Variants in ZDHHC21 observed in about 807,000 individuals in gnomAD.
ZDHHC21 encodes palmitoyltransferase ZDHHC21.
ZDHHC21 carries 15 observed loss-of-function variants against 34.6 expected under a neutral mutation model. The ratio of observed to expected loss-of-function variants is 0.43; its 90% CI spans 0.29 to 0.67. ZDHHC21 has a LOEUF of 0.67. ZDHHC21 is among the 30% of genes least tolerant of loss of function. The pLI is 0.14. For synonymous variants in ZDHHC21, 142 were observed against 101.8 expected (o/e 1.40, Z -2.38); for missense variants, 344 against 327.7 (o/e 1.05, Z -0.38).
chr9:14,601,415 T>A, the ZDHHC21 span, among the ~76,000 whole-genome samples: 1 of 151,692 alleles, frequency 6.6e-6, no homozygotes, highest in African/African-American at 2.4e-5. Flanking sequence ...TCACTGGTCA[T>A]TAGAGAAATG....
At chr9:14,662,441 T>C (rs1833585507) in intron 5 of ZDHHC21, 115 bp from the exon 6 acceptor site, 1 of 712,208 alleles carries the variant, frequency 1.4e-6, no homozygotes. Flanking sequence ...TCTAAGAGAT[T>C]TTTCTTCTAA....
Position 14,662,302 on chromosome 9 carries a change from T to C in ZDHHC21, c.278A>G (p.Asn93Ser), listed in dbSNP as rs1466806437. 5 of 1,610,782 alleles carry C rather than the reference T, an allele frequency of 3.1e-6. No homozygotes were observed. The highest frequency in any genetic ancestry group is 1.1e-5 in the South Asian group (1 of 90,384). The change falls in exon 6 of 10, where the codon AAC (asparagine) becomes AGC (serine). Residue 93 changes from asparagine to serine, a missense_variant. Asn to Ser is a conservative substitution (Grantham distance 46). Transcript: ENST00000380916. Reference sequence around the variant, plus strand: ...CTTTGGTCTCATCAAATTACACTTGTTACATAATTCCCAGAACTCCCTTTC... The same window carrying C: ...CTTTGGTCTCATCAAATTACACTTGCTACATAATTCCCAGAACTCCCTTTC... ...HGEREFWELC[N>S]KCNLMRPKRS...
At chr9:14,670,293 C>T (rs1032577499) in intron 5 of ZDHHC21, among the ~76,000 whole-genome samples, 12 of 152,200 alleles carry the variant, frequency 7.9e-5, no homozygotes, top group African/African-American at 2.4e-4. Flanking sequence ...AGAAAGCCTA[C>T]AATTTTGTAA....
intron 4 of ZDHHC21, among the ~76,000 whole-genome samples, chr9:14,673,907 G>C (rs1000302763): frequency 1.3e-5 from 2 of 151,872 alleles, no homozygotes; most frequent in African/African-American, 2.4e-5. Context: ...AAAATACAGA[G>C]AGACATGCAA....
chr9:14,635,470 C>T (rs1013999467), intron 8 of ZDHHC21, among the ~76,000 whole-genome samples: 1 of 152,212 alleles, frequency 6.6e-6, no homozygotes, highest in African/African-American at 2.4e-5. Flanking sequence ...GAATCTGCAT[C>T]AGACTAACAG....
At chr9:14,608,633 A>G (rs1262983068), downstream of ZDHHC21, among the ~76,000 whole-genome samples, 1 of 152,082 alleles carries the variant, frequency 6.6e-6, no homozygotes, top group African/African-American at 2.4e-5. Flanking sequence ...GACTGATACA[A>G]ATATTTTTTT....
chr9:14,598,640 G>T, the ZDHHC21 span, among the ~76,000 whole-genome samples: 2 of 152,140 alleles, frequency 1.3e-5, 1 homozygote, highest in Middle Eastern at 6.8e-3. Context: ...TGGAAAAAAT[G>T]CAGAATGATA....
At chr9:14,638,023 C>A (rs1156990818) in intron 8 of ZDHHC21, among the ~76,000 whole-genome samples, 1 of 151,870 alleles carries the variant, frequency 6.6e-6, no homozygotes, top group Admixed American at 6.6e-5. Context: ...TTAGAGAAAA[C>A]AATCCTAAAA....
intron 8 of ZDHHC21, among the ~76,000 whole-genome samples, chr9:14,632,446 C>T (rs149931736): frequency 8.6e-5 from 13 of 151,892 alleles, no homozygotes; most frequent in African/African-American, 3.1e-4. Flanking sequence ...CAAAAATTAG[C>T]TCAAAATGAA....
chr9:14,682,735 C>A (rs1050717642), intron 2 of ZDHHC21, among the ~76,000 whole-genome samples: 3 of 152,122 alleles, frequency 2.0e-5, no homozygotes, highest in Non-Finnish European at 4.4e-5. Context: ...AGAATATACA[C>A]CCTTCTCAGC....
chr9:14,691,386 G>A (rs1587523844), intron 1 of ZDHHC21, among the ~76,000 whole-genome samples: 2 of 152,152 alleles, frequency 1.3e-5, no homozygotes, highest in Admixed American at 6.5e-5. Flanking sequence ...TTGAGTTACG[G>A]TCTTTTTCAA....
intron 1 of ZDHHC21, among the ~76,000 whole-genome samples, chr9:14,692,777 T>A (rs983583265): frequency 6.6e-6 from 1 of 151,964 alleles, no homozygotes; most frequent in Non-Finnish European, 1.5e-5. Context: ...ACCAGAAGTC[T>A]GGAATGAATG....
At chr9:14,689,658 T>C (rs1430326895) in intron 2 of ZDHHC21, among the ~76,000 whole-genome samples, 1 of 152,214 alleles carries the variant, frequency 6.6e-6, no homozygotes, top group East Asian at 1.9e-4. Context: ...CTAGTAGTAT[T>C]ACTACTAGTA....
Position 14,683,814 on chromosome 9 carries a change from C to T in ZDHHC21, c.-175-3652G>A, listed in dbSNP as rs1837801608. 3 of 152,144 alleles carry T rather than the reference C, an allele frequency of 2.0e-5. No homozygotes were observed. In the South Asian group the frequency reaches 6.2e-4, roughly 32 times the overall value. The allele number at this position is 152,144 out of a possible 1,614,324, so 9.4% of individuals were successfully genotyped here. A position where few individuals can be genotyped will look rare whatever the true frequency, so the allele number is the denominator to read the frequency against. On this transcript the variant is annotated intron_variant, in intron 2 of 9. Transcript: ENST00000380916. Reference sequence around the variant, plus strand: ...GCAAACATCCTCAGTAAAATACTGGCAAACCGAATCCAGCAGCACATCAAA... The same window carrying T: ...GCAAACATCCTCAGTAAAATACTGGTAAACCGAATCCAGCAGCACATCAAA...
At chr9:14,637,492 T>C (rs1564249509) in intron 8 of ZDHHC21, among the ~76,000 whole-genome samples, 1 of 151,998 alleles carries the variant, frequency 6.6e-6, no homozygotes, top group Non-Finnish European at 1.5e-5. Flanking sequence ...CTAACACCAA[T>C]TCTCCTCAAA....
rs150619538 is a variant in ZDHHC21 at position 14,631,902 on chromosome 9, T to C, written c.621+7994A>G. On this transcript the variant is annotated intron_variant, in intron 8 of 9. Coordinates refer to ENST00000380916, the MANE Select transcript of ZDHHC21 (RefSeq NM_178566.6). ...ATCAAAGATCACCAATCATAGATCATAGTAACAGATATAATAATCATGAAC... is the reference window on the plus strand; with the variant it reads ...ATCAAAGATCACCAATCATAGATCACAGTAACAGATATAATAATCATGAAC... Among the ~76,000 whole-genome samples the C allele has an allele frequency of 1.2e-4, 18 of 152,282 alleles. No homozygotes were observed. The East Asian group carries it at 3.3e-3, about 28-fold the overall frequency.
intron 8 of ZDHHC21, among the ~76,000 whole-genome samples, chr9:14,626,988 G>T (rs1269547750): frequency 6.6e-6 from 1 of 151,984 alleles, no homozygotes; most frequent in Non-Finnish European, 1.5e-5. Flanking sequence ...AAGTATATGT[G>T]AGCTGGGGTC....
the ZDHHC21 span, among the ~76,000 whole-genome samples, chr9:14,600,674 AAAG>A: frequency 6.6e-6 from 1 of 152,220 alleles, no homozygotes; most frequent in African/African-American, 2.4e-5. Context: ...GAACAAAAAA[AAAG>A]AGCTGGTATA....
intron 8 of ZDHHC21, chr9:14,622,530 G>C (rs1586897806): frequency 2.0e-6 from 2 of 985,188 alleles, no homozygotes; most frequent in African/African-American, 1.7e-5. Flanking sequence ...GAGGTTTCCT[G>C]GTTAACAGAC....
Sources: gnomAD v4.1 joint callset for allele counts (sites outside exome capture counted in the v4.1 genomes callset) on GRCh38, gnomAD v4.1.1 for gene constraint, MANE v1.5 for transcripts, NCBI Gene and HGNC (gene_info 2026-07-23, HGNC 2026-07-21) for gene names.